The following PLCXD3 variants were observed in gnomAD, a reference collection of about 807,000 sequenced individuals.
The protein encoded by PLCXD3 is phosphatidylinositol specific phospholipase C X domain containing 3.
Under a neutral mutation model 25.5 loss-of-function variants are expected in PLCXD3, and 19 were observed. That is an observed-to-expected ratio of 0.75 (90% CI 0.52 to 1.09). The LOEUF (loss-of-function observed/expected upper bound fraction) is 1.09. PLCXD3 is among the 50% of genes least tolerant of loss of function. PLCXD3 has a pLI of 0.00. For missense variants in PLCXD3, 411 were observed against 388.1 expected (o/e 1.06, Z -0.50); for synonymous variants, 174 against 137.6 (o/e 1.26, Z -1.85).
intron 1 of PLCXD3, among the ~76,000 whole-genome samples, chr5:41,421,227 C>T (rs917696630): frequency 1.1e-4 from 16 of 152,306 alleles, no homozygotes; most frequent in Admixed American, 5.2e-4. Flanking sequence ...GTTTGTGCAA[C>T]AGTTTTATAA....
intron 2 of PLCXD3, among the ~76,000 whole-genome samples, chr5:41,366,068 A>G (rs752109962): frequency 4.0e-5 from 6 of 151,860 alleles, no homozygotes; most frequent in Non-Finnish European, 8.8e-5. Flanking sequence ...TATTAGGCAT[A>G]TCTCCTAATG....
At chr5:41,405,793 G>GT (rs1554048161) in intron 1 of PLCXD3, among the ~76,000 whole-genome samples, 2 of 151,942 alleles carry the variant, frequency 1.3e-5, no homozygotes, top group African/African-American at 4.8e-5. Context: ...GTTTTGTTTT[G>GT]TTTACCATTT....
chr5:41,384,230 T>C (rs1246629868), intron 1 of PLCXD3, among the ~76,000 whole-genome samples: 1 of 152,060 alleles, frequency 6.6e-6, no homozygotes, highest in Non-Finnish European at 1.5e-5. Context: ...AGCTGGGAGT[T>C]AGGTTCTGAT....
intron 1 of PLCXD3, among the ~76,000 whole-genome samples, chr5:41,466,313 C>T (rs1748016906): frequency 6.6e-6 from 1 of 151,668 alleles, no homozygotes. Flanking sequence ...ATCTAGTTAG[C>T]AATGTAGGGA....
At chr5:41,400,762 A>G (rs557616591) in intron 1 of PLCXD3, among the ~76,000 whole-genome samples, 27 of 152,174 alleles carry the variant, frequency 1.8e-4, no homozygotes, top group African/African-American at 6.3e-4. Context: ...AAGAATGAGT[A>G]AGACCCACTA....
chr5:41,384,722 C>T (rs1020896844), intron 1 of PLCXD3, among the ~76,000 whole-genome samples: 2 of 151,994 alleles, frequency 1.3e-5, no homozygotes, highest in Non-Finnish European at 2.9e-5. Flanking sequence ...AAGGAAATCA[C>T]CACTTTTGAA....
chr5:41,368,894 C>G (rs368636494), intron 2 of PLCXD3, among the ~76,000 whole-genome samples: 16 of 152,280 alleles, frequency 1.1e-4, no homozygotes, highest in African/African-American at 3.8e-4. Context: ...ACCATTGAAA[C>G]AGCCTTTCTA....
At chr5:41,407,817 G>A (rs1746396222) in intron 1 of PLCXD3, among the ~76,000 whole-genome samples, 1 of 152,198 alleles carries the variant, frequency 6.6e-6, no homozygotes, top group Admixed American at 6.5e-5. Context: ...AGATAGTCAT[G>A]CTGTGATTTC....
intron 2 of PLCXD3, among the ~76,000 whole-genome samples, chr5:41,345,013 A>G (rs1272547962): frequency 6.6e-6 from 1 of 152,166 alleles, no homozygotes; most frequent in Admixed American, 6.5e-5. Flanking sequence ...ATAATTACAA[A>G]CTGGTTCTAT....
intron 1 of PLCXD3, among the ~76,000 whole-genome samples, chr5:41,477,403 C>A (rs1032103281): frequency 4.6e-5 from 7 of 152,144 alleles, no homozygotes; most frequent in African/African-American, 1.7e-4. Flanking sequence ...TAGATCCTAT[C>A]CCCATACCTG....
chr5:41,355,214 C>T (rs112477511), intron 2 of PLCXD3, among the ~76,000 whole-genome samples: 264 of 152,218 alleles, frequency 1.7e-3, no homozygotes, highest in African/African-American at 6.1e-3. Flanking sequence ...GATTATATGA[C>T]AGACAGAAAA....
At chr5:41,325,546 A>G (rs1181176782) in intron 2 of PLCXD3, among the ~76,000 whole-genome samples, 2 of 152,188 alleles carry the variant, frequency 1.3e-5, no homozygotes, top group Non-Finnish European at 2.9e-5. Context: ...AACTGTTTAT[A>G]TATCTGTGCT....
intron 2 of PLCXD3, among the ~76,000 whole-genome samples, chr5:41,380,614 C>A (rs898814934): frequency 6.6e-6 from 1 of 152,102 alleles, no homozygotes; most frequent in African/African-American, 2.4e-5. Flanking sequence ...ATTCCCCATC[C>A]TATATGCTAT....
intron 1 of PLCXD3, among the ~76,000 whole-genome samples, chr5:41,447,214 C>G (rs1192152914): frequency 6.6e-6 from 1 of 151,950 alleles, no homozygotes; most frequent in Non-Finnish European, 1.5e-5. Flanking sequence ...GAGTTGTTGC[C>G]CTTTTTTACT....
Position 41,468,836 on chromosome 5 carries a change from C to T in PLCXD3, c.103+41588G>A, listed in dbSNP as rs150582901. ...TACATATAAAATATAGAGACAATTT[C>T]ACTTCCTCTATTGCTATGAGTATGA... On this transcript the variant is annotated intron_variant, in intron 1 of 2. Transcript: ENST00000377801. 4.6e-3 allele frequency among the ~76,000 whole-genome samples: 700 copies of T among 152,226 alleles called. 9 individuals carry two copies. Among genetic ancestry groups the T allele is most frequent in the African/African-American group, 0.016 (669 of 41,542 alleles).
intron 1 of PLCXD3, among the ~76,000 whole-genome samples, chr5:41,394,721 A>G (rs1034263046): frequency 2.6e-5 from 4 of 152,214 alleles, no homozygotes; most frequent in African/African-American, 9.6e-5. Flanking sequence ...GAGACAAAGA[A>G]GGTCACTATA....
chr5:41,334,646 A>G (rs1025932384), intron 2 of PLCXD3, among the ~76,000 whole-genome samples: 1 of 152,210 alleles, frequency 6.6e-6, no homozygotes, highest in Non-Finnish European at 1.5e-5. Flanking sequence ...TCAAAGCAAA[A>G]TATGCCATCC....
chr5:41,360,904 C>T (rs757149803), intron 2 of PLCXD3, among the ~76,000 whole-genome samples: 6 of 152,266 alleles, frequency 3.9e-5, no homozygotes, highest in Admixed American at 3.9e-4. Context: ...TGCAAACTCA[C>T]CTTGGGGATA....
intron 1 of PLCXD3, among the ~76,000 whole-genome samples, chr5:41,399,862 A>G (rs955963175): frequency 3.3e-5 from 5 of 152,164 alleles, no homozygotes; most frequent in Non-Finnish European, 7.4e-5. Context: ...ATCAAATTAA[A>G]AAGATTCTGC....
Sources: gnomAD v4.1 joint callset for allele counts (sites outside exome capture counted in the v4.1 genomes callset) on GRCh38, gnomAD v4.1.1 for gene constraint, MANE v1.5 for transcripts, NCBI Gene and HGNC (gene_info 2026-07-23, HGNC 2026-07-21) for gene names.